SLC22A15: variants seen among roughly 807,000 people sequenced by gnomAD.
The protein encoded by SLC22A15 is flipt 1.
SLC22A15 carries 45 observed loss-of-function variants against 62.7 expected under a neutral mutation model. That is an observed-to-expected ratio of 0.72 (90% CI 0.56 to 0.92). SLC22A15 has a LOEUF of 0.92. Among genes scored for constraint, SLC22A15 ranks in the 40% least tolerant of loss-of-function variants. The pLI is 0.00. For missense variants in SLC22A15, 622 were observed against 665.6 expected (o/e 0.93, Z 0.72); for synonymous variants, 264 against 267.0 (o/e 0.99, Z 0.11).
At chr1:115,987,323 G>T (rs573841071) in intron 1 of SLC22A15, among the ~76,000 whole-genome samples, 6 of 151,842 alleles carry the variant, frequency 4.0e-5, no homozygotes, top group African/African-American at 1.5e-4. Flanking sequence ...CTGCCACCAC[G>T]CCCAGCTAAT....
At chr1:116,024,166 A>G (rs1248072664) in intron 4 of SLC22A15, among the ~76,000 whole-genome samples, 2 of 152,218 alleles carry the variant, frequency 1.3e-5, no homozygotes, top group East Asian at 1.9e-4. Flanking sequence ...ACATGAAACC[A>G]GTGGTGGGTT....
At chr1:116,044,529 G>A (rs114736493) in intron 8 of SLC22A15, among the ~76,000 whole-genome samples, 2,779 of 152,234 alleles carry the variant, frequency 0.018, 82 homozygotes, top group African/African-American at 0.063. Flanking sequence ...TGTACAAAAA[G>A]TACTAGTGAA....
At chr1:115,978,370 CAGTT>C (rs140012075) in intron 1 of SLC22A15, among the ~76,000 whole-genome samples, 12 of 152,234 alleles carry the variant, frequency 7.9e-5, no homozygotes, top group Non-Finnish European at 1.5e-4. Flanking sequence ...ATGGTTGACC[CAGTT>C]AGTTAGAGTT....
intron 8 of SLC22A15, among the ~76,000 whole-genome samples, chr1:116,061,572 G>A (rs1176741599): frequency 1.3e-5 from 2 of 152,034 alleles, no homozygotes; most frequent in African/African-American, 4.8e-5. Flanking sequence ...GTTTGATAGG[G>A]AATGGCAGGA....
intron 2 of SLC22A15, among the ~76,000 whole-genome samples, chr1:116,018,260 A>G (rs976069355): frequency 4.6e-5 from 7 of 152,218 alleles, no homozygotes; most frequent in African/African-American, 1.7e-4. Context: ...AAATAGAATC[A>G]TGCTATATTT....
chr1:115,998,699 A>C (rs1266417256), intron 2 of SLC22A15, among the ~76,000 whole-genome samples: 1 of 151,758 alleles, frequency 6.6e-6, no homozygotes, highest in Non-Finnish European at 1.5e-5. Flanking sequence ...GTTTAGCTAA[A>C]GGTTTATTGG....
intron 2 of SLC22A15, among the ~76,000 whole-genome samples, chr1:116,007,420 G>C (rs1656036780): frequency 6.6e-6 from 1 of 152,190 alleles, no homozygotes; most frequent in African/African-American, 2.4e-5. Context: ...GCTTTGCAAG[G>C]GTGGCTGTGG....
At chr1:115,996,313 A>G (rs779463919) in intron 2 of SLC22A15, among the ~76,000 whole-genome samples, 5 of 152,124 alleles carry the variant, frequency 3.3e-5, no homozygotes, top group African/African-American at 4.8e-5. Context: ...TTGCCTTTCC[A>G]TATAAGTTTT....
chr1:115,981,434 T>C (rs926999253), intron 1 of SLC22A15, among the ~76,000 whole-genome samples: 1 of 152,222 alleles, frequency 6.6e-6, no homozygotes, highest in African/African-American at 2.4e-5. Context: ...TTGGGTCTCC[T>C]GAGGGTTTAT....
chr1:115,997,221 G>A (rs2101118770), intron 2 of SLC22A15, among the ~76,000 whole-genome samples: 1 of 152,158 alleles, frequency 6.6e-6, no homozygotes, highest in Non-Finnish European at 1.5e-5. Flanking sequence ...GTCAAATAAT[G>A]TGATTGCTCC....
chr1:116,026,907 CTGT>C lies in SLC22A15; in HGVS notation c.615_617del (p.Phe207del). ...CCCTGAATTAGGATCGATTGGCGGCCTGTTCTTTGCAGTTGGCATTGCCCAATA... is the reference window on the plus strand; with the variant it reads ...CCCTGAATTAGGATCGATTGGCGGCCTCTTTGCAGTTGGCATTGCCCAATA... On this transcript the variant is annotated inframe_deletion, in exon 5 of 12. Coordinates refer to ENST00000369503, the MANE Select transcript of SLC22A15 (RefSeq NM_018420.3). The C allele has an allele frequency of 1.2e-6, 2 of 1,613,354 alleles. No homozygotes were observed. Among genetic ancestry groups the C allele is most frequent in the Non-Finnish European group, 1.7e-6 (2 of 1,179,818 alleles).
At chr1:116,058,531 G>A (rs1002640571) in intron 8 of SLC22A15, among the ~76,000 whole-genome samples, 7 of 152,122 alleles carry the variant, frequency 4.6e-5, no homozygotes, top group Non-Finnish European at 8.8e-5. Flanking sequence ...ATATAAACTA[G>A]TACAGCCACT....
intron 8 of SLC22A15, among the ~76,000 whole-genome samples, chr1:116,056,584 G>A (rs1658212941): frequency 6.6e-6 from 1 of 151,600 alleles, no homozygotes; most frequent in African/African-American, 2.4e-5. Flanking sequence ...CCAAAAAAGA[G>A]CCCACATCGC....
chr1:116,024,377 G>A (rs1270599394), intron 4 of SLC22A15, among the ~76,000 whole-genome samples: 1 of 152,154 alleles, frequency 6.6e-6, no homozygotes, highest in East Asian at 1.9e-4. Flanking sequence ...ACCTGCTGAA[G>A]TTTAGCTTTT....
intron 1 of SLC22A15, among the ~76,000 whole-genome samples, chr1:115,979,937 A>G (rs1264954139): frequency 2.0e-5 from 3 of 151,664 alleles, no homozygotes; most frequent in Non-Finnish European, 2.9e-5. Context: ...TGTGCTATGA[A>G]TCTCATCTTA....
At chr1:116,062,677 C>A in intron 8 of SLC22A15, 85 bp from the exon 9 acceptor site, 1 of 1,522,224 alleles carries the variant, frequency 6.6e-7, no homozygotes, top group Non-Finnish European at 9.0e-7. Context: ...ACATGAATGC[C>A]ACCTGCTCCA....
intron 5 of SLC22A15, among the ~76,000 whole-genome samples, chr1:116,030,956 T>C (rs1222666273): frequency 6.6e-6 from 1 of 152,088 alleles, no homozygotes; most frequent in Non-Finnish European, 1.5e-5. Flanking sequence ...AAACCCATTG[T>C]CTCTACAGTA....
chr1:116,063,010 G>A, intron 9 of SLC22A15, 128 bp downstream of exon 9: 6 of 1,220,688 alleles, frequency 4.9e-6, no homozygotes, highest in Non-Finnish European at 7.0e-6. Flanking sequence ...AATTCAGCAA[G>A]CAGTTTAGGG....
intron 8 of SLC22A15, among the ~76,000 whole-genome samples, chr1:116,058,500 A>G (rs1452364860): frequency 6.6e-6 from 1 of 152,172 alleles, no homozygotes; most frequent in Non-Finnish European, 1.5e-5. Context: ...ATCAGGGAAC[A>G]CTTCCACACT....
Sources: gnomAD v4.1 joint callset for allele counts (sites outside exome capture counted in the v4.1 genomes callset) on GRCh38, gnomAD v4.1.1 for gene constraint, MANE v1.5 for transcripts, NCBI Gene and HGNC (gene_info 2026-07-23, HGNC 2026-07-21) for gene names.